Variants in RELL1 observed in about 807,000 individuals in gnomAD.
RELL1 encodes RELT like 1, also known as RELT-like protein 1.
A neutral mutation model predicts 23.0 loss-of-function variants in RELL1; 10 were observed. That is an observed-to-expected ratio of 0.43 (90% CI 0.27 to 0.74). The LOEUF (loss-of-function observed/expected upper bound fraction) is 0.74, where lower values mean the gene tolerates loss of function less well. Among genes scored for constraint, RELL1 ranks in the 30% least tolerant of loss-of-function variants. The pLI, the probability that RELL1 is intolerant of heterozygous loss-of-function variation, is 0.19. For synonymous variants in RELL1, 146 were observed against 146.8 expected (o/e 0.99, Z 0.04); for missense variants, 315 against 364.4 (o/e 0.86, Z 1.10).
intron 6 of RELL1, among the ~76,000 whole-genome samples, chr4:37,598,078 A>AATATATATATATATATATATATATAT (rs138367525): frequency 1.4e-3 from 179 of 126,684 alleles, no homozygotes; most frequent in African/African-American, 1.8e-3. Context: ...TATATATCAT[A>AATATATATATATATATATATATATAT]ATATATATAT....
downstream of RELL1, chr4:37,590,059 C>T (rs1446343651): frequency 6.4e-7 from 1 of 1,555,734 alleles, no homozygotes; most frequent in East Asian, 2.2e-5. Context: ...TGGAGCAGAC[C>T]TGACTGGTTT....
chr4:37,595,485 A>G (rs1718803444), intron 6 of RELL1, among the ~76,000 whole-genome samples: 1 of 151,832 alleles, frequency 6.6e-6, no homozygotes, highest in South Asian at 2.1e-4. Context: ...GATTGAAAGA[A>G]TACATAAAAG....
At position 37,635,112 on chromosome 4, in the gene RELL1, G is replaced by A. The variant is rs780889420; in HGVS notation, c.455C>T (p.Pro152Leu). The A allele has an allele frequency of 1.2e-6, 2 of 1,614,120 alleles. No individual in the cohort carries two copies. The highest frequency in any genetic ancestry group is 2.2e-5 in the South Asian group (2 of 91,084). The change falls in exon 5 of 7, where the codon CCC (proline) becomes CTC (leucine). Residue 152 changes from proline to leucine, a missense_variant. Pro to Leu is a moderately conservative substitution (Grantham distance 98, BLOSUM62 -3). Coordinates refer to ENST00000454158, the MANE Select transcript of RELL1 (RefSeq NM_001085400.2). ...CACTGGCGGGCTCCCTGGTGTGCTG[G>A]GGGTCACGGGGCTAATGTGGGGAGG... ...SLYDPESPVTPSTPGSPPVSP... is the reference protein window; with the variant it reads ...SLYDPESPVTLSTPGSPPVSP...
Position 37,686,188 on chromosome 4 carries a change from C to CCGGA in RELL1, c.88+8_88+11dup. 1 of 1,574,316 alleles carries CCGGA rather than the reference C, an allele frequency of 6.4e-7. No individual in the cohort carries two copies. The highest frequency in any genetic ancestry group is 8.6e-7 in the Non-Finnish European group (1 of 1,168,458). On this transcript the variant is annotated intron_variant, in intron 1 of 6. Transcript: ENST00000454158. ...TCAGCACCCGGCGCCCCGGCTACGACCGGACACTCACCCGGAGCCACCAGC... is the reference window on the plus strand; with the variant it reads ...TCAGCACCCGGCGCCCCGGCTACGACCGGACGGACACTCACCCGGAGCCACCAGC...
intron 1 of RELL1, among the ~76,000 whole-genome samples, chr4:37,661,049 A>T (rs933936622): frequency 6.6e-6 from 1 of 151,558 alleles, no homozygotes; most frequent in Admixed American, 6.6e-5. Flanking sequence ...AAAACAAAAA[A>T]CAAAAAACCA....
At chr4:37,619,892 G>A (rs1213696615) in intron 6 of RELL1, among the ~76,000 whole-genome samples, 1 of 152,184 alleles carries the variant, frequency 6.6e-6, no homozygotes, top group African/African-American at 2.4e-5. Context: ...ATATGGTCAT[G>A]CTAGTGTTAA....
At chr4:37,593,431 T>C (rs1032265073) in intron 6 of RELL1, among the ~76,000 whole-genome samples, 3 of 152,200 alleles carry the variant, frequency 2.0e-5, no homozygotes, top group African/African-American at 7.2e-5. Context: ...GATCACTTTG[T>C]AGTCCATAAT....
At chr4:37,655,242 A>AATATAT (rs34057942) in intron 1 of RELL1, among the ~76,000 whole-genome samples, 5 of 150,034 alleles carry the variant, frequency 3.3e-5, no homozygotes, top group East Asian at 2.0e-4. Flanking sequence ...TGTGATGGGA[A>AATATAT]ATATATATAT....
downstream of RELL1, among the ~76,000 whole-genome samples, chr4:37,587,668 T>C (rs887808766): frequency 3.3e-5 from 5 of 152,174 alleles, no homozygotes; most frequent in African/African-American, 1.2e-4. Context: ...TGTTTTGGCT[T>C]GTCTTTTTAA....
In RELL1 at chr4:37,686,127, G is replaced by C. The variant is rs964587741; in HGVS notation, c.88+73C>G. 2.1e-5 allele frequency: 27 copies of C among 1,301,278 alleles called. No individual in the cohort carries two copies. The African/African-American group carries it at 3.2e-4, about 15-fold the overall frequency. The allele number at this position is 1,301,278 out of a possible 1,614,324, so 80.6% of individuals were successfully genotyped here. On this transcript the variant is annotated intron_variant, in intron 1 of 6. Transcript: ENST00000454158. ...CAGGACGCCGCGGGGCTGCCGTCCC[G>C]ACCCCTCGCTTCCTTCCGCGCTCCC...
At chr4:37,651,724 A>G (rs1179459236) in intron 1 of RELL1, among the ~76,000 whole-genome samples, 2 of 152,140 alleles carry the variant, frequency 1.3e-5, no homozygotes, top group Non-Finnish European at 2.9e-5. Context: ...TCACAAACCA[A>G]TCAGCACTCA....
chr4:37,651,231 G>A (rs1203951024), intron 1 of RELL1, among the ~76,000 whole-genome samples: 2 of 152,138 alleles, frequency 1.3e-5, no homozygotes, highest in Non-Finnish European at 2.9e-5. Context: ...CAAGGCAGGC[G>A]GATCACTTGA....
At chr4:37,685,402 T>C (rs1722368266) in intron 1 of RELL1, among the ~76,000 whole-genome samples, 1 of 152,138 alleles carries the variant, frequency 6.6e-6, no homozygotes, top group South Asian at 2.1e-4. Flanking sequence ...AAGGAATCCC[T>C]AGTGTCTGTA....
intron 1 of RELL1, among the ~76,000 whole-genome samples, chr4:37,664,292 C>T (rs1268070636): frequency 6.6e-6 from 1 of 151,614 alleles, no homozygotes; most frequent in Non-Finnish European, 1.5e-5. Flanking sequence ...AGGAGAATTG[C>T]TTGAACCCGG....
At chr4:37,631,604 C>A in intron 5 of RELL1, 81 bp from the exon 6 acceptor site, 2 of 1,486,616 alleles carry the variant, frequency 1.3e-6, no homozygotes, top group Admixed American at 2.1e-5. Flanking sequence ...ATCATCCACC[C>A]AGAGGATCTC....
intron 6 of RELL1, chr4:37,591,792 A>G (rs1334475476): frequency 6.6e-6 from 1 of 152,250 alleles, no homozygotes; most frequent in Non-Finnish European, 1.5e-5. Context: ...TTTTTATGCC[A>G]TTAAATGTCT....
chr4:37,590,351 A>G, downstream of RELL1: 1 of 1,613,704 alleles, frequency 6.2e-7, no homozygotes, highest in Non-Finnish European at 8.5e-7. Context: ...TGCGGTGTCA[A>G]CGGCATCGGC....
At chr4:37,626,535 C>T (rs997490874) in intron 6 of RELL1, among the ~76,000 whole-genome samples, 3 of 152,110 alleles carry the variant, frequency 2.0e-5, no homozygotes, top group African/African-American at 7.2e-5. Flanking sequence ...TCCCACTTCT[C>T]AGTACATATC....
chr4:37,589,477 T>C (rs2109462313), downstream of RELL1, among the ~76,000 whole-genome samples: 1 of 152,356 alleles, frequency 6.6e-6, no homozygotes, highest in African/African-American at 2.4e-5. Flanking sequence ...GACTGCATAA[T>C]ATTCCACTGA....
Sources: allele counts gnomAD v4.1 joint callset (sites outside exome capture counted in the v4.1 genomes callset), GRCh38; gene constraint gnomAD v4.1.1; transcripts MANE v1.5; gene names NCBI Gene and HGNC (gene_info 2026-07-23, HGNC 2026-07-21).